Variants in STAU2 observed in about 807,000 individuals in gnomAD.
The protein encoded by STAU2 is double-stranded RNA-binding protein Staufen homolog 2.
STAU2 carries 20 observed loss-of-function variants against 65.9 expected under a neutral mutation model. The observed-to-expected ratio is 0.30, with a 90% CI of 0.21 to 0.44. The LOEUF (loss-of-function observed/expected upper bound fraction) is 0.44, where lower values mean the gene tolerates loss of function less well. Ranked by LOEUF, STAU2 falls within the 20% of genes least tolerant of loss-of-function variation. The pLI is 1.00. For synonymous variants in STAU2, 232 were observed against 233.9 expected (o/e 0.99, Z 0.07); for missense variants, 558 against 683.9 (o/e 0.82, Z 2.05).
chr8:73,617,565 AC>A (rs1812921059), intron 6 of STAU2, 114 bp from the exon 7 acceptor site: 1 of 1,035,540 alleles, frequency 9.7e-7, no homozygotes, highest in African/African-American at 1.6e-5. Context: ...TCTTAATAAA[AC>A]TTTAACCTCA....
rs1006755379 is a variant in STAU2, at chr8:73,746,456, C to A, written c.-197+327G>T. On this transcript the variant is annotated intron_variant, in intron 1 of 14. Coordinates refer to ENST00000524300, the MANE Select transcript of STAU2 (RefSeq NM_001164380.2). ...CGTTCCTGTCTCCCCGACCTCCGCA[C>A]CCCCACTTGGCCCGGCCTCCTCGCC... Among the ~76,000 whole-genome samples the A allele has an allele frequency of 5.9e-5, 9 of 152,030 alleles. No homozygotes were observed. The East Asian group carries it at 1.4e-3, about 23-fold the overall frequency.
chr8:73,722,243 C>T (rs1821734983), intron 3 of STAU2, among the ~76,000 whole-genome samples: 1 of 152,122 alleles, frequency 6.6e-6, no homozygotes, highest in Non-Finnish European at 1.5e-5. Context: ...TTATAAACCC[C>T]ACAACAGCTT....
At position 73,719,200 on chromosome 8, in the gene STAU2, G is replaced by C. The variant is rs185214625; in HGVS notation, c.-17-10038C>G. Among the ~76,000 whole-genome samples, 93 of 152,200 alleles carry C rather than the reference G, an allele frequency of 6.1e-4. 1 individual carries two copies. The highest frequency in any genetic ancestry group is 2.1e-3 in the African/African-American group (86 of 41,550). On this transcript the variant is annotated intron_variant, in intron 3 of 14. Coordinates refer to ENST00000524300, the MANE Select transcript of STAU2 (RefSeq NM_001164380.2). ...AGGTGGATCACAAGGTCAGGAGATC[G>C]AGACCATCTTGGCCAACCTGGTGAA...
intron 13 of STAU2, among the ~76,000 whole-genome samples, chr8:73,515,109 G>A (rs1008179253): frequency 2.0e-5 from 3 of 152,030 alleles, no homozygotes; most frequent in Non-Finnish European, 2.9e-5. Flanking sequence ...AGCAGCAGTA[G>A]TATTAAAACT....
intron 13 of STAU2, among the ~76,000 whole-genome samples, chr8:73,546,148 GTAGA>G (rs1806919852): frequency 1.7e-5 from 2 of 116,454 alleles, no homozygotes; most frequent in African/African-American, 3.7e-5. Context: ...TTTTTTTTTG[GTAGA>G]GACAGAGTTT....
intron 3 of STAU2, among the ~76,000 whole-genome samples, chr8:73,712,615 TCTTAGC>T (rs2130661865): frequency 1.3e-5 from 2 of 152,308 alleles, no homozygotes; most frequent in African/African-American, 4.8e-5. Context: ...GTAAAAATAT[TCTTAGC>T]CAAAATATTC....
At chr8:73,705,707 A>C (rs1312797655) in intron 4 of STAU2, among the ~76,000 whole-genome samples, 1 of 152,226 alleles carries the variant, frequency 6.6e-6, no homozygotes, top group Non-Finnish European at 1.5e-5. Context: ...AAATAAAAGA[A>C]GACAAGGCAA....
chr8:73,421,488 A>G, intron 14 of STAU2, 23 bp from the exon 15 acceptor site: 1 of 1,536,804 alleles, frequency 6.5e-7, no homozygotes, highest in Middle Eastern at 1.7e-4. Flanking sequence ...TACATTAACA[A>G]GAGCTGAAGG....
intron 3 of STAU2, among the ~76,000 whole-genome samples, chr8:73,736,589 T>G (rs2130771157): frequency 6.6e-6 from 1 of 152,286 alleles, no homozygotes; most frequent in East Asian, 1.9e-4. Context: ...TGCAAATCCC[T>G]GTAGCCAGAA....
At chr8:73,485,389 T>C (rs1277380868) in intron 13 of STAU2, among the ~76,000 whole-genome samples, 1 of 152,014 alleles carries the variant, frequency 6.6e-6, no homozygotes, top group African/African-American at 2.4e-5. Context: ...ATTCTGTGAA[T>C]GTAAAAGTTG....
intron 6 of STAU2, among the ~76,000 whole-genome samples, chr8:73,630,785 A>T (rs1031291009): frequency 1.3e-5 from 2 of 152,058 alleles, no homozygotes; most frequent in Non-Finnish European, 2.9e-5. Flanking sequence ...AGCCCCAGGA[A>T]ATCATAGTTG....
intron 3 of STAU2, among the ~76,000 whole-genome samples, chr8:73,729,627 T>A (rs1805903961): frequency 6.6e-6 from 1 of 152,158 alleles, no homozygotes; most frequent in South Asian, 2.1e-4. Context: ...TCACCCAGGT[T>A]GGAGTGCAAT....
intron 13 of STAU2, among the ~76,000 whole-genome samples, chr8:73,444,137 C>T (rs13268260): frequency 0.44 from 66,855 of 151,930 alleles, 15,122 homozygotes; most frequent in Admixed American, 0.57. Flanking sequence ...CTGGGTGCTG[C>T]GGCTCACGTC....
intron 13 of STAU2, among the ~76,000 whole-genome samples, chr8:73,539,120 G>C (rs762398999): frequency 1.3e-5 from 2 of 152,218 alleles, no homozygotes; most frequent in African/African-American, 2.4e-5. Flanking sequence ...AGTCCAGCCA[G>C]ATTAAGTGCC....
rs574741572 is a variant in STAU2 at position 73,576,114 on chromosome 8, G to C, written c.1222+6656C>G. Reference sequence around the variant, plus strand: ...CACTATGAAACAACTGGTATTTCTTGTAAATTTGAACTTACACATATTATA... The same window carrying C: ...CACTATGAAACAACTGGTATTTCTTCTAAATTTGAACTTACACATATTATA... On this transcript the variant is annotated intron_variant, in intron 12 of 14. Transcript: ENST00000524300. 5.3e-5 allele frequency among the ~76,000 whole-genome samples: 8 copies of C among 152,160 alleles called. 1 individual carries two copies. In the South Asian group the frequency reaches 1.7e-3, roughly 32 times the overall value.
rs995460820 is a variant in STAU2 at position 73,621,239 on chromosome 8, G to A, written c.411-3788C>T. Among the ~76,000 whole-genome samples, 6 of 152,144 alleles carry A rather than the reference G, an allele frequency of 3.9e-5. No individual in the cohort carries two copies. The East Asian group carries it at 7.7e-4, about 20-fold the overall frequency. On this transcript the variant is annotated intron_variant, in intron 6 of 14. Coordinates refer to ENST00000524300, the MANE Select transcript of STAU2 (RefSeq NM_001164380.2). ...GCGGTTTCCCCCATGGTATTCTCAT[G>A]ATAGGGAGTGAGTTCTCACAAGATC...
At chr8:73,526,524 G>A (rs1195958681) in intron 13 of STAU2, among the ~76,000 whole-genome samples, 1 of 152,186 alleles carries the variant, frequency 6.6e-6, no homozygotes, top group Non-Finnish European at 1.5e-5. Context: ...GTACTAGTGA[G>A]ATAGAAGAAA....
chr8:73,710,376 CT>C (rs11389924), intron 3 of STAU2, among the ~76,000 whole-genome samples: 30,202 of 133,500 alleles, frequency 0.23, 3,469 homozygotes, highest in East Asian at 0.37. Flanking sequence ...GGCTTCTATC[CT>C]TTTTTTTTTT....
At chr8:73,626,086 C>CAG (rs1478807521) in intron 6 of STAU2, among the ~76,000 whole-genome samples, 2 of 151,878 alleles carry the variant, frequency 1.3e-5, no homozygotes, top group Non-Finnish European at 2.9e-5. Context: ...CACACACACA[C>CAG]ACACACACAC....
Sources: allele counts gnomAD v4.1 joint callset (sites outside exome capture counted in the v4.1 genomes callset), GRCh38; gene constraint gnomAD v4.1.1; transcripts MANE v1.5; gene names NCBI Gene and HGNC (gene_info 2026-07-23, HGNC 2026-07-21).